The following COL19A1 variants were observed in gnomAD, a reference collection of about 807,000 sequenced individuals.
COL19A1 encodes the protein collagen type XIX alpha 1 chain.
In COL19A1, 159 loss-of-function variants were observed where a neutral mutation model predicts 190.2. That is an observed-to-expected ratio of 0.84 (90% CI 0.73 to 0.95). The LOEUF is 0.95. COL19A1 is among the 40% of genes least tolerant of loss of function. COL19A1 has a pLI of 0.00. For synonymous variants in COL19A1, 509 were observed against 458.9 expected, an observed-to-expected ratio of 1.11 and a Z score of -1.39; for missense variants, 1,418 against 1,431.9, an observed-to-expected ratio of 0.99 and a Z score of 0.16.
chr6:70,134,491 G>A (rs11964071), intron 18 of COL19A1, among the ~76,000 whole-genome samples: 25,307 of 152,132 alleles, frequency 0.17, 2,178 homozygotes, highest in African/African-American at 0.2. Flanking sequence ...AATTAAGAAC[G>A]TGAGTGAATT....
At chr6:69,977,126 C>A (rs1057290238) in intron 11 of COL19A1, among the ~76,000 whole-genome samples, 1 of 152,046 alleles carries the variant, frequency 6.6e-6, no homozygotes, top group African/African-American at 2.4e-5. Flanking sequence ...ATGTTTATTG[C>A]GGCACTATTC....
At chr6:70,069,492 T>C (rs565442768) in intron 15 of COL19A1, among the ~76,000 whole-genome samples, 1 of 152,266 alleles carries the variant, frequency 6.6e-6, no homozygotes, top group East Asian at 1.9e-4. Flanking sequence ...AACATGCCAA[T>C]AATCTTTGTC....
At chr6:70,174,753 A>T (rs1370266444) in intron 41 of COL19A1, among the ~76,000 whole-genome samples, 1 of 152,178 alleles carries the variant, frequency 6.6e-6, no homozygotes, top group Non-Finnish European at 1.5e-5. Context: ...TCTAACAAGT[A>T]ACCATGGAAT....
intron 39 of COL19A1, 133 bp downstream of exon 39, chr6:70,168,348 A>C: frequency 2.3e-6 from 2 of 867,844 alleles, no homozygotes; most frequent in Non-Finnish European, 3.6e-6. Flanking sequence ...AGAAGGAAAT[A>C]AGTAAAACCA....
intron 40 of COL19A1, 45 bp downstream of exon 40, chr6:70,168,726 T>G (rs977478804): frequency 1.2e-6 from 2 of 1,603,908 alleles, no homozygotes; most frequent in East Asian, 2.2e-5. Context: ...TATTGGTCTT[T>G]GTTAAATTTT....
At chr6:70,184,111 T>C (rs575221208) in intron 44 of COL19A1, among the ~76,000 whole-genome samples, 2 of 152,372 alleles carry the variant, frequency 1.3e-5, no homozygotes, top group Admixed American at 1.3e-4. Context: ...ATTATACATT[T>C]CTTGCTTTTC....
At chr6:70,095,824 A>G (rs899132872) in intron 15 of COL19A1, among the ~76,000 whole-genome samples, 1 of 152,084 alleles carries the variant, frequency 6.6e-6, no homozygotes, top group African/African-American at 2.4e-5. Flanking sequence ...CACTTAGTAT[A>G]ATGTCCTCAA....
chr6:69,996,365 T>G (rs1457159558), intron 11 of COL19A1, among the ~76,000 whole-genome samples: 1 of 152,122 alleles, frequency 6.6e-6, no homozygotes, highest in African/African-American at 2.4e-5. Flanking sequence ...GGCTTGGCAG[T>G]TTTGAAAAGC....
intron 14 of COL19A1, among the ~76,000 whole-genome samples, chr6:70,067,820 G>A (rs1781334128): frequency 6.6e-6 from 1 of 151,770 alleles, no homozygotes; most frequent in Non-Finnish European, 1.5e-5. Context: ...TCTAAAATAA[G>A]AATCAGGAGA....
intron 9 of COL19A1, among the ~76,000 whole-genome samples, chr6:69,948,185 T>C (rs753466125): frequency 1.4e-4 from 21 of 151,996 alleles, no homozygotes; most frequent in South Asian, 1.2e-3. Context: ...TTTTGAATTA[T>C]TCTGAACATG....
At position 70,199,669 on chromosome 6, in the gene COL19A1, T is replaced by G; in HGVS notation, c.3156T>G (p.Ala1052=). The change falls in exon 49 of 51, where the codon GCT becomes GCG. Residue 1052 remains alanine, a synonymous_variant. Coordinates refer to ENST00000620364, the MANE Select transcript of COL19A1 (RefSeq NM_001858.6). ...CAGCAGCAATGTTGGCTGCCCAAGC[T>G]TATGGGAGACCTGGGCCACCAGGGA... ...KLPAAMLAAQ[A]YGRPGPPGKD... The G allele has an allele frequency of 6.2e-7, 1 of 1,609,948 alleles. No homozygotes were observed. Among genetic ancestry groups the G allele is most frequent in the Non-Finnish European group, 8.5e-7 (1 of 1,177,496 alleles).
chr6:70,151,530 T>A, intron 31 of COL19A1, 92 bp downstream of exon 31: 1 of 1,244,498 alleles, frequency 8.0e-7, no homozygotes, highest in Non-Finnish European at 1.2e-6. Context: ...ATTGCTTAGC[T>A]GGAACTAAAA....
intron 4 of COL19A1, among the ~76,000 whole-genome samples, chr6:69,920,677 A>G (rs932238964): frequency 2.0e-5 from 3 of 151,980 alleles, no homozygotes; most frequent in Admixed American, 6.6e-5. Context: ...TTGTGCCCTC[A>G]TAGGCCCATG....
chr6:69,950,456 T>G (rs1197169087), intron 9 of COL19A1, among the ~76,000 whole-genome samples: 2 of 151,856 alleles, frequency 1.3e-5, no homozygotes, highest in Non-Finnish European at 2.9e-5. Flanking sequence ...CCTTTACATT[T>G]ATTCAGAACA....
chr6:69,999,244 T>C lies in COL19A1; in HGVS notation c.1027-24383T>C, dbSNP rs962672259. Among the ~76,000 whole-genome samples, 6 of 148,130 alleles carry C rather than the reference T, an allele frequency of 4.1e-5. No individual in the cohort carries two copies. In the South Asian group the frequency reaches 9.6e-4, roughly 24 times the overall value. ...GGCCTTCTTTTTTAATTGCTAAAAT[T>C]AAAAAGACCAGGTGTAGTGGCTCAC... is the stretch of plus-strand genomic sequence containing the variant. On this transcript the variant is annotated intron_variant, in intron 11 of 50. Transcript: ENST00000620364.
At chr6:69,872,880 T>C (rs1767922355) in intron 1 of COL19A1, among the ~76,000 whole-genome samples, 1 of 152,310 alleles carries the variant, frequency 6.6e-6, no homozygotes, top group East Asian at 1.9e-4. Flanking sequence ...GGCCAGAATC[T>C]TGATAGAAAT....
Position 70,205,094 on chromosome 6 carries a change from ATATCTT to A in COL19A1, c.3224-1804_3224-1799del, listed in dbSNP as rs560487357. Among the ~76,000 whole-genome samples, 30 of 152,312 alleles carry A rather than the reference ATATCTT, an allele frequency of 2.0e-4. No homozygotes were observed. The South Asian group carries it at 5.8e-3, about 29-fold the overall frequency. ...TCTCTAGGGTCTAGGATTGTACTGAATATCTTTAACACAATTTTCAAATATAAATAT... is the reference window on the plus strand; with the variant it reads ...TCTCTAGGGTCTAGGATTGTACTGAATAACACAATTTTCAAATATAAATAT... On this transcript the variant is annotated intron_variant, in intron 49 of 50. Transcript: ENST00000620364.
At chr6:70,099,547 C>CAAA (rs10644510) in intron 15 of COL19A1, among the ~76,000 whole-genome samples, 2,028 of 149,246 alleles carry the variant, frequency 0.014, 45 homozygotes, top group African/African-American at 0.047. Flanking sequence ...TATTCCAAAA[C>CAAA]AAAAAAAAAA....
chr6:70,002,217 A>G (rs1268362997), intron 11 of COL19A1, among the ~76,000 whole-genome samples: 1 of 152,198 alleles, frequency 6.6e-6, no homozygotes, highest in Non-Finnish European at 1.5e-5. Context: ...GACGAAGCCA[A>G]CTTGATCATG....
Sources: allele counts gnomAD v4.1 joint callset (sites outside exome capture counted in the v4.1 genomes callset), GRCh38; gene constraint gnomAD v4.1.1; transcripts MANE v1.5; gene names NCBI Gene and HGNC (gene_info 2026-07-23, HGNC 2026-07-21).